The following SLC9D1 variants were observed in gnomAD, a reference collection of about 807,000 sequenced individuals.
The protein encoded by SLC9D1 is putative LAG1-interacting protein.
chr13:113,520,339 CCAGGCGTGATGG>C, the SLC9D1 span, among the ~76,000 whole-genome samples: 1 of 152,054 alleles, frequency 6.6e-6, no homozygotes, highest in East Asian at 1.9e-4. Context: ...TAAAAATTAG[CCAGGCGTGATGG>C]CAGGCGCCTA....
the SLC9D1 span, among the ~76,000 whole-genome samples, chr13:113,520,939 T>G: frequency 6.6e-6 from 1 of 152,112 alleles, no homozygotes; most frequent in African/African-American, 2.4e-5. Context: ...ATCCTCACAG[T>G]TCCTCAGTCC....
At chr13:113,544,671 G>A in the SLC9D1 span, among the ~76,000 whole-genome samples, 9 of 152,358 alleles carry the variant, frequency 5.9e-5, no homozygotes, top group Non-Finnish European at 1.3e-4. Context: ...GGTGTCTGGC[G>A]AGGGCCATGC....
the SLC9D1 span, among the ~76,000 whole-genome samples, chr13:113,543,632 A>C: frequency 1.2e-4 from 18 of 147,206 alleles, no homozygotes; most frequent in Non-Finnish European, 2.2e-4. Context: ...AGGACTAATA[A>C]AATGGATCAG....
chr13:113,533,458 G>A, the SLC9D1 span, among the ~76,000 whole-genome samples: 1 of 152,230 alleles, frequency 6.6e-6, no homozygotes, highest in Admixed American at 6.5e-5. Context: ...AGTGGTGGAA[G>A]GCTAAGGTTA....
the SLC9D1 span, among the ~76,000 whole-genome samples, chr13:113,525,933 C>A: frequency 2.6e-5 from 4 of 151,286 alleles, no homozygotes; most frequent in East Asian, 3.9e-4. Flanking sequence ...GACGACAGCT[C>A]TGTGCCGGTT....
chr13:113,501,917 A>C, the SLC9D1 span: 4 of 1,526,078 alleles, frequency 2.6e-6, no homozygotes, highest in Non-Finnish European at 3.6e-6. Flanking sequence ...TATCTGTTTA[A>C]CAGAATATAA....
chr13:113,532,409 T>C, the SLC9D1 span, among the ~76,000 whole-genome samples: 1 of 150,592 alleles, frequency 6.6e-6, no homozygotes, highest in Admixed American at 6.6e-5. Flanking sequence ...CAAGGGGCTC[T>C]GTGGCCTGTG....
At chr13:113,497,896 TG>T in the SLC9D1 span, among the ~76,000 whole-genome samples, 25 of 152,264 alleles carry the variant, frequency 1.6e-4, no homozygotes, top group African/African-American at 6.0e-4. Context: ...TGATTAATGC[TG>T]TTGGTTTCTA....
At chr13:113,501,945 A>T in the SLC9D1 span, 2 of 1,326,076 alleles carry the variant, frequency 1.5e-6, no homozygotes, top group Non-Finnish European at 2.1e-6. Context: ...ATTCATGAAG[A>T]CTAAAAAGTA....
the SLC9D1 span, among the ~76,000 whole-genome samples, chr13:113,523,882 G>A: frequency 6.6e-6 from 1 of 152,132 alleles, no homozygotes; most frequent in Non-Finnish European, 1.5e-5. Context: ...CTCATGGATT[G>A]TTTAGAAGTG....
chr13:113,497,178 C>T, the SLC9D1 span, among the ~76,000 whole-genome samples: 1 of 150,444 alleles, frequency 6.6e-6, no homozygotes, highest in African/African-American at 2.5e-5. Flanking sequence ...GTGATAGGCC[C>T]CAGCTGTGTG....
At chr13:113,523,801 T>G in the SLC9D1 span, among the ~76,000 whole-genome samples, 19 of 152,240 alleles carry the variant, frequency 1.2e-4, no homozygotes, top group Non-Finnish European at 2.4e-4. Context: ...GCATCTCATA[T>G]TTTGATATGT....
the SLC9D1 span, among the ~76,000 whole-genome samples, chr13:113,541,583 G>C: frequency 7.2e-4 from 78 of 108,332 alleles, 2 homozygotes; most frequent in South Asian, 2.6e-3. Context: ...GATTGCTGAT[G>C]ACTGCCATGC....
chr13:113,495,424 T>C, the SLC9D1 span: 75,839 of 535,488 alleles, frequency 0.14, 7,055 homozygotes, highest in African/African-American at 0.35. Context: ...TGTCAGTTTT[T>C]CAGATCTGAT....
chr13:113,498,270 G>A, the SLC9D1 span: 1 of 1,159,864 alleles, frequency 8.6e-7, no homozygotes, highest in Non-Finnish European at 1.2e-6. Context: ...AAAGCAGGAG[G>A]ATTGATTAAG....
At chr13:113,538,559 C>T in the SLC9D1 span, among the ~76,000 whole-genome samples, 8 of 152,244 alleles carry the variant, frequency 5.3e-5, no homozygotes, top group African/African-American at 1.2e-4. Context: ...GAGCCCTTGG[C>T]GCTGTCATCT....
chr13:113,510,885 C>T, the SLC9D1 span, among the ~76,000 whole-genome samples: 1 of 152,210 alleles, frequency 6.6e-6, no homozygotes, highest in Non-Finnish European at 1.5e-5. Context: ...TTAGTTTCAT[C>T]GTATGTATGA....
At chr13:113,502,091 G>A in the SLC9D1 span, among the ~76,000 whole-genome samples, 2 of 152,162 alleles carry the variant, frequency 1.3e-5, no homozygotes, top group African/African-American at 4.8e-5. Flanking sequence ...TGGAGACAAC[G>A]CCCCTGCTCG....
At chr13:113,547,057 T>C in the SLC9D1 span, 296 of 512,408 alleles carry the variant, frequency 5.8e-4, 2 homozygotes, top group African/African-American at 5.3e-3. Flanking sequence ...TTGAGGCCTG[T>C]TGCAGGGAGT....
Sources: gnomAD v4.1 joint callset for allele counts (sites outside exome capture counted in the v4.1 genomes callset) on GRCh38, gnomAD v4.1.1 for gene constraint, MANE v1.5 for transcripts, NCBI Gene and HGNC (gene_info 2026-07-23, HGNC 2026-07-21) for gene names.